TEX36: variants seen among roughly 807,000 people sequenced by gnomAD.
TEX36 encodes the protein testis-expressed protein 36.
Under a neutral mutation model 13.6 loss-of-function variants are expected in TEX36, and 12 were observed. The observed-to-expected ratio is 0.88, with a 90% confidence interval of 0.56 to 1.43. TEX36 has a LOEUF of 1.43. Among genes scored for constraint, TEX36 ranks in the 40% most tolerant of loss-of-function variants. The pLI is 0.00. For synonymous variants in TEX36, 93 were observed against 83.0 expected, an observed-to-expected ratio of 1.12 and a Z score of -0.65; for missense variants, 224 against 228.3, an observed-to-expected ratio of 0.98 and a Z score of 0.12.
intron 3 of TEX36, among the ~76,000 whole-genome samples, chr10:125,587,136 G>C (rs1453239006): frequency 6.6e-6 from 1 of 152,148 alleles, no homozygotes; most frequent in African/African-American, 2.4e-5. Context: ...AGAACTGTGA[G>C]CCAATTAAAC....
chr10:125,641,838 C>T (rs1026612251), intron 3 of TEX36, among the ~76,000 whole-genome samples: 16 of 152,182 alleles, frequency 1.1e-4, no homozygotes, highest in African/African-American at 3.6e-4. Context: ...CCCTCCATTC[C>T]TGTGCAGTAT....
chr10:125,668,804 T>C (rs1213985030), intron 1 of TEX36, among the ~76,000 whole-genome samples: 2 of 152,238 alleles, frequency 1.3e-5, no homozygotes, highest in African/African-American at 4.8e-5. Flanking sequence ...GAGTGCATTG[T>C]TGATAGTTAA....
chr10:125,667,870 GC>G, intron 1 of TEX36: 3 of 1,517,956 alleles, frequency 2.0e-6, no homozygotes, highest in Non-Finnish European at 1.8e-6. Context: ...GGATGCCCTT[GC>G]CCAGTGCCAC....
chr10:125,589,277 C>G (rs189852232), intron 3 of TEX36, among the ~76,000 whole-genome samples: 1 of 152,254 alleles, frequency 6.6e-6, no homozygotes, highest in African/African-American at 2.4e-5. Flanking sequence ...TTGGATTTTT[C>G]GGATGAATAG....
At chr10:125,633,699 G>A (rs1417680212) in intron 3 of TEX36, among the ~76,000 whole-genome samples, 3 of 152,146 alleles carry the variant, frequency 2.0e-5, no homozygotes, top group South Asian at 2.1e-4. Context: ...TTGATACGAG[G>A]TGCTGCTCAC....
intron 3 of TEX36, among the ~76,000 whole-genome samples, chr10:125,642,474 T>C (rs1195370855): frequency 6.6e-6 from 1 of 151,210 alleles, no homozygotes; most frequent in Non-Finnish European, 1.5e-5. Context: ...GAAACTACGA[T>C]GCTTACTAAT....
At chr10:125,647,957 G>A (rs778915831) in intron 3 of TEX36, among the ~76,000 whole-genome samples, 28 of 152,204 alleles carry the variant, frequency 1.8e-4, no homozygotes, top group Non-Finnish European at 3.2e-4. Flanking sequence ...GGCTGGGGGA[G>A]GGGCATCCAC....
At chr10:125,601,611 T>C (rs982856472) in intron 3 of TEX36, among the ~76,000 whole-genome samples, 4 of 152,220 alleles carry the variant, frequency 2.6e-5, no homozygotes, top group Admixed American at 2.6e-4. Flanking sequence ...CAGCTTGGTT[T>C]AGAAAGTTTG....
At chr10:125,585,155 C>T (rs74693381) in intron 3 of TEX36, among the ~76,000 whole-genome samples, 2,701 of 152,300 alleles carry the variant, frequency 0.018, 75 homozygotes, top group African/African-American at 0.062. Flanking sequence ...ACTGAGATCT[C>T]ATGACAAACT....
At chr10:125,634,391 G>A (rs1224195157) in intron 3 of TEX36, among the ~76,000 whole-genome samples, 8 of 152,174 alleles carry the variant, frequency 5.3e-5, no homozygotes, top group Non-Finnish European at 2.9e-5. Context: ...TCTTCTGTGA[G>A]CCCACTGGGG....
chr10:125,610,709 T>C (rs1846278776), intron 3 of TEX36, among the ~76,000 whole-genome samples: 2 of 152,206 alleles, frequency 1.3e-5, no homozygotes, highest in South Asian at 2.1e-4. Context: ...TATGTTATGG[T>C]TTGTTTGCCC....
intron 1 of TEX36, chr10:125,667,420 G>T: frequency 3.0e-6 from 2 of 675,926 alleles, no homozygotes; most frequent in Non-Finnish European, 5.6e-6. Context: ...TCTGCTAGCA[G>T]ATGCTGGCAT....
Position 125,607,753 on chromosome 10 carries a change from A to G in TEX36, c.265-30879T>C, listed in dbSNP as rs1382572276. On this transcript the variant is annotated intron_variant, in intron 3 of 3. Transcript: ENST00000532135. ...TAGCATCTAGTATAGTGCCCAGCAC[A>G]TAGTCAGTGCTCAATAAATATTTAC... Among the ~76,000 whole-genome samples, 9 of 152,030 alleles carry G rather than the reference A, an allele frequency of 5.9e-5. No homozygotes were observed. The East Asian group carries it at 1.5e-3, about 26-fold the overall frequency.
chr10:125,582,561 C>A (rs1845895878), intron 3 of TEX36, among the ~76,000 whole-genome samples: 1 of 152,192 alleles, frequency 6.6e-6, no homozygotes, highest in Admixed American at 6.5e-5. Context: ...TGGATTTTAT[C>A]ATTTATTTGA....
At chr10:125,642,158 G>A (rs1014769258) in intron 3 of TEX36, among the ~76,000 whole-genome samples, 2 of 152,212 alleles carry the variant, frequency 1.3e-5, no homozygotes, top group African/African-American at 4.8e-5. Context: ...GGCTCCACAA[G>A]TGAGGATTTT....
At chr10:125,667,155 G>T (rs1185088496) in intron 1 of TEX36, 11 of 678,274 alleles carry the variant, frequency 1.6e-5, no homozygotes, top group Non-Finnish European at 2.7e-5. Context: ...TGATCCCAGG[G>T]ACAGCGGGGG....
intron 3 of TEX36, among the ~76,000 whole-genome samples, chr10:125,605,479 C>G (rs1410163512): frequency 6.7e-6 from 1 of 149,330 alleles, no homozygotes; most frequent in Admixed American, 6.6e-5. Context: ...CAGTTAATCT[C>G]CATACACAGC....
At chr10:125,620,384 C>T (rs187742280), downstream of TEX36, among the ~76,000 whole-genome samples, 230 of 152,342 alleles carry the variant, frequency 1.5e-3, 1 homozygote, top group Middle Eastern at 0.01. Context: ...CATTTGGCTA[C>T]TGTCCATTTG....
chr10:125,630,847 G>A (rs1018711389), intron 3 of TEX36, among the ~76,000 whole-genome samples: 2 of 152,098 alleles, frequency 1.3e-5, no homozygotes, highest in African/African-American at 2.4e-5. Flanking sequence ...AATTACCCAA[G>A]GGAAGAGACC....
Sources: allele counts gnomAD v4.1 joint callset (sites outside exome capture counted in the v4.1 genomes callset), GRCh38; gene constraint gnomAD v4.1.1; transcripts MANE v1.5; gene names NCBI Gene and HGNC (gene_info 2026-07-23, HGNC 2026-07-21).